The following CDH18 variants were observed in gnomAD, a reference collection of about 807,000 sequenced individuals.
CDH18 encodes the protein cadherin-18.
CDH18 carries 31 observed loss-of-function variants against 67.9 expected under a neutral mutation model. The observed-to-expected ratio is 0.46, with a 90% CI of 0.34 to 0.62. The LOEUF (loss-of-function observed/expected upper bound fraction) is 0.62. Ranked by LOEUF, CDH18 falls within the 20% of genes least tolerant of loss-of-function variation. CDH18 has a pLI of 0.01. For missense variants in CDH18, 890 were observed against 975.5 expected (o/e 0.91, Z 1.17); for synonymous variants, 362 against 347.2 (o/e 1.04, Z -0.48).
intron 1 of CDH18, among the ~76,000 whole-genome samples, chr5:20,334,126 G>A (rs1390851902): frequency 1.6e-5 from 2 of 124,422 alleles, no homozygotes; most frequent in Non-Finnish European, 1.6e-5. Flanking sequence ...AATCTGACTT[G>A]AATTCTTTTT....
chr5:20,053,112 G>A (rs1390357285), intron 2 of CDH18, among the ~76,000 whole-genome samples: 3 of 151,554 alleles, frequency 2.0e-5, no homozygotes, highest in South Asian at 2.1e-4. Flanking sequence ...TATGTGATCC[G>A]TCAGATCAGG....
chr5:20,296,048 G>C (rs141159617), intron 1 of CDH18, among the ~76,000 whole-genome samples: 8,137 of 150,288 alleles, frequency 0.054, 243 homozygotes, highest in African/African-American at 0.083. Context: ...ATTATTTTTT[G>C]TATTTTTAGT....
At chr5:19,997,329 CA>C (rs1313517104) in intron 2 of CDH18, among the ~76,000 whole-genome samples, 1 of 152,016 alleles carries the variant, frequency 6.6e-6, no homozygotes, top group African/African-American at 2.4e-5. Context: ...ACTGTTATAG[CA>C]CATATCATAT....
intron 5 of CDH18, among the ~76,000 whole-genome samples, chr5:19,686,511 G>T (rs1444144185): frequency 2.0e-5 from 3 of 152,138 alleles, no homozygotes; most frequent in Non-Finnish European, 4.4e-5. Flanking sequence ...GAGATAGCCA[G>T]CGTAGATGTT....
At chr5:20,540,140 T>C (rs1303063466) in intron 1 of CDH18, among the ~76,000 whole-genome samples, 1 of 152,170 alleles carries the variant, frequency 6.6e-6, no homozygotes, top group African/African-American at 2.4e-5. Context: ...TTAGAGAGGC[T>C]ACAAATGCCT....
At chr5:19,593,003 T>G (rs572499915) in intron 6 of CDH18, among the ~76,000 whole-genome samples, 45 of 152,104 alleles carry the variant, frequency 3.0e-4, no homozygotes, top group Non-Finnish European at 5.9e-4. Flanking sequence ...TTGCAAGATC[T>G]CTTTTTTTAA....
At chr5:19,548,015 A>T (rs1163547228) in intron 8 of CDH18, among the ~76,000 whole-genome samples, 1 of 152,182 alleles carries the variant, frequency 6.6e-6, no homozygotes, top group East Asian at 1.9e-4. Flanking sequence ...AGAATTAAGA[A>T]GTGACATGGG....
At chr5:20,569,093 A>G (rs1463679547) in intron 1 of CDH18, among the ~76,000 whole-genome samples, 1 of 152,168 alleles carries the variant, frequency 6.6e-6, no homozygotes, top group African/African-American at 2.4e-5. Flanking sequence ...GCTGCTTTCA[A>G]TGAGTAGGCA....
At chr5:19,711,650 T>TAA (rs3062941) in intron 5 of CDH18, among the ~76,000 whole-genome samples, 1,199 of 115,544 alleles carry the variant, frequency 0.01, 12 homozygotes, top group African/African-American at 0.03. Flanking sequence ...TAGTATAAAG[T>TAA]AAAAAAAAAA....
chr5:19,902,078 G>T (rs769674439), intron 2 of CDH18, among the ~76,000 whole-genome samples: 4 of 152,084 alleles, frequency 2.6e-5, no homozygotes, highest in Non-Finnish European at 4.4e-5. Context: ...ATAAAAATGT[G>T]AGAGCAATAC....
At chr5:20,005,470 G>C (rs1424738551) in intron 2 of CDH18, among the ~76,000 whole-genome samples, 1 of 150,162 alleles carries the variant, frequency 6.7e-6, no homozygotes, top group Non-Finnish European at 1.5e-5. Context: ...TTGATAAATT[G>C]ATTCTTATGA....
Position 19,760,980 on chromosome 5 carries a change from A to G in CDH18, c.229-13744T>C, listed in dbSNP as rs7711629. On this transcript the variant is annotated intron_variant, in intron 3 of 12. Transcript: ENST00000382275. ...GGAAGCTCTTCATTCTGGCCAAAAA[A>G]TATTCACCAGAGTTTACAAACCCAG... Among the ~76,000 whole-genome samples, 355 of 152,238 alleles carry G rather than the reference A, an allele frequency of 2.3e-3. 2 individuals are homozygous for G. Among genetic ancestry groups the G allele is most frequent in the African/African-American group, 7.7e-3 (319 of 41,528 alleles).
chr5:19,591,058 T>A lies in CDH18; in HGVS notation c.998A>T (p.Lys333Met). 6.4e-7 allele frequency: 1 copy of A among 1,562,394 alleles called. No homozygotes were observed. Among genetic ancestry groups the A allele is most frequent in the Non-Finnish European group, 8.7e-7 (1 of 1,153,072 alleles). The change falls in exon 7 of 13, where the codon AAG becomes ATG. Residue 333 changes from lysine to methionine, a missense_variant and splice_region_variant. Lys to Met is a moderately conservative substitution (Grantham distance 95). Around this residue, in one of 2 missense-constraint regions of CDH18, gnomAD observed 656 missense variants for 668.1 expected, o/e 0.98. Transcript: ENST00000382275. ...TCACAAAAAGTATGTTCTTTTTACCTTCTTTAAAGAAAGGATTCCTTCTCT... is the reference window on the plus strand; with the variant it reads ...TCACAAAAAGTATGTTCTTTTTACCATCTTTAAAGAAAGGATTCCTTCTCT... ...ETREGILSLK[K>M]PLNYEKKKSY...
intron 2 of CDH18, among the ~76,000 whole-genome samples, chr5:20,002,275 A>C (rs1736510042): frequency 6.6e-6 from 1 of 152,208 alleles, no homozygotes; most frequent in South Asian, 2.1e-4. Flanking sequence ...ATTATTGCAC[A>C]TATGGTAGAT....
intron 5 of CDH18, among the ~76,000 whole-genome samples, chr5:19,683,701 C>T (rs1760659673): frequency 6.6e-6 from 1 of 152,072 alleles, no homozygotes; most frequent in African/African-American, 2.4e-5. Context: ...ACTTTGAATT[C>T]ATCTGGCTTC....
intron 2 of CDH18, among the ~76,000 whole-genome samples, chr5:19,994,382 T>C (rs1205421989): frequency 2.0e-5 from 3 of 151,298 alleles, no homozygotes; most frequent in Non-Finnish European, 4.4e-5. Flanking sequence ...GAATCCTGAC[T>C]GATATAATAA....
chr5:20,438,569 A>G (rs1415030873), intron 1 of CDH18, among the ~76,000 whole-genome samples: 2 of 151,390 alleles, frequency 1.3e-5, no homozygotes, highest in African/African-American at 4.9e-5. Context: ...CAAACCAGCA[A>G]TGAGAGGCTA....
intron 2 of CDH18, among the ~76,000 whole-genome samples, chr5:19,846,299 C>T (rs1005722535): frequency 6.6e-6 from 1 of 152,026 alleles, no homozygotes; most frequent in Admixed American, 6.6e-5. Flanking sequence ...TTTTACTTCA[C>T]CCACACTAAC....
intron 1 of CDH18, among the ~76,000 whole-genome samples, chr5:20,429,599 G>C (rs959275145): frequency 1.3e-5 from 2 of 149,450 alleles, no homozygotes; most frequent in African/African-American, 5.1e-5. Context: ...AAATATGAAT[G>C]GGGGGGCAAA....
Sources: allele counts gnomAD v4.1 joint callset (sites outside exome capture counted in the v4.1 genomes callset), GRCh38; gene constraint gnomAD v4.1.1; regional missense constraint gnomAD v4.1.1; transcripts MANE v1.5; gene names NCBI Gene and HGNC (gene_info 2026-07-23, HGNC 2026-07-21).